The following HOXB3 variants were observed in gnomAD, a reference collection of about 807,000 sequenced individuals.
The protein encoded by HOXB3 is homeobox protein Hox-B3.
HOXB3 carries 17 observed loss-of-function variants against 29.2 expected under a neutral mutation model. The observed-to-expected ratio is 0.58, with a 90% CI of 0.40 to 0.87. The LOEUF (loss-of-function observed/expected upper bound fraction) is 0.87, where lower values mean the gene tolerates loss of function less well. Among genes scored for constraint, HOXB3 ranks in the 40% least tolerant of loss-of-function variants. HOXB3 has a pLI of 0.00. For missense variants in HOXB3, 637 were observed against 616.3 expected (o/e 1.03, Z -0.35); for synonymous variants, 317 against 285.9 (o/e 1.11, Z -1.10).
At chr17:48,576,664 C>T (rs1193361209) in intron 1 of HOXB3, 11 of 466,010 alleles carry the variant, frequency 2.4e-5, no homozygotes, top group Non-Finnish European at 4.2e-5. Flanking sequence ...CCCACCCCAT[C>T]CCCTGCACTC....
At chr17:48,555,411 G>A in intron 3 of HOXB3, 120 bp downstream of exon 3, 1 of 686,204 alleles carries the variant, frequency 1.5e-6, no homozygotes. Context: ...TCGCTGCGTG[G>A]AAGGAAGCTT....
In HOXB3 at chr17:48,550,356, G is replaced by C. The variant is rs547200357; in HGVS notation, c.1274C>G (p.Ala425Gly). Residue 425 changes from alanine (A) to glycine (G), a missense_variant, in exon 5 of 5, where the codon GCG (alanine) becomes GGG (glycine). By Grantham distance (60) the Ala-to-Gly change is moderately conservative. Transcript: ENST00000498678. Reference protein sequence around the residue: ...APPPQGRIQEAPKLTHL With the variant: ...APPPQGRIQEGPKLTHL ...CCATCACAGGTGTGTTAATTTGGGC[G>C]CTTCTTGGATTCTACCCTGAGGAGG... The C allele has an allele frequency of 1.2e-6, 2 of 1,614,066 alleles. No homozygotes were observed. The highest frequency in any genetic ancestry group is 2.2e-5 in the South Asian group (2 of 91,086).
rs1387149658 is a variant in HOXB3, at chr17:48,550,152, G to A, written c.*182C>T. The stretch of plus-strand genomic sequence containing the variant: ...GGTTGGCAGGCAGATGGAACAAGGG[G>A]TGGAAGACTTAAAAGCAACCTCTCA... On this transcript the variant is annotated 3_prime_UTR_variant, in exon 5 of 5. Transcript: ENST00000498678. The A allele has an allele frequency of 2.9e-5, 20 of 698,278 alleles. No homozygotes were observed. Among genetic ancestry groups the A allele is most frequent in the African/African-American group, 5.4e-5 (3 of 55,492 alleles). 43.3% of individuals were successfully genotyped at this position (698,278 alleles called of 1,614,324 possible). A position where few individuals can be genotyped will look rare whatever the true frequency, so the allele number is the denominator to read the frequency against.
At chr17:48,565,856 C>T (rs1333045975) in intron 2 of HOXB3, among the ~76,000 whole-genome samples, 1 of 152,202 alleles carries the variant, frequency 6.6e-6, no homozygotes, top group African/African-American at 2.4e-5. Flanking sequence ...TCCACTCTCC[C>T]TGTCATCACC....
At chr17:48,551,670 G>C (rs1005285907) in intron 4 of HOXB3, among the ~76,000 whole-genome samples, 3 of 152,244 alleles carry the variant, frequency 2.0e-5, no homozygotes, top group Non-Finnish European at 4.4e-5. Flanking sequence ...ACCCCGGGCC[G>C]TCCAAGCGAT....
chr17:48,550,647 T>G lies in HOXB3; in HGVS notation c.983A>C (p.Glu328Ala), dbSNP rs749825968. 6 of 1,524,920 alleles carry G rather than the reference T, an allele frequency of 3.9e-6. No homozygotes were observed. Among genetic ancestry groups the G allele is most frequent in the Non-Finnish European group, 5.3e-6 (6 of 1,139,376 alleles). 94.5% of individuals were successfully genotyped at this position (1,524,920 alleles called of 1,614,324 possible). Residue 328 changes from glutamate (E) to alanine (A), a missense_variant, in exon 5 of 5, where the codon GAG becomes GCG. Coordinates refer to ENST00000498678, the MANE Select transcript of HOXB3 (RefSeq NM_001384749.1). ...GGCTTGGAGGACGTGCGGCTCATAC[T>G]CGGGCGCCGGGGTCGGAGGGTACTT... ...PQKYPPTPAP[E>A]YEPHVLQANG...
In HOXB3 at chr17:48,548,870, T is replaced by A. The variant is rs2068612331; in HGVS notation, c.*1464A>T. 6.6e-6 allele frequency: 1 copy of A among 152,194 alleles called. No individual in the cohort carries two copies. The highest frequency in any genetic ancestry group is 1.5e-5 in the Non-Finnish European group (1 of 68,024). The allele number at this position is 152,194 out of a possible 1,614,324, so 9.4% of individuals were successfully genotyped here. On this transcript the variant is annotated 3_prime_UTR_variant, in exon 5 of 5. Coordinates refer to ENST00000498678, the MANE Select transcript of HOXB3 (RefSeq NM_001384749.1). ...TCTAAATTGGACCACCAGGACAAGA[T>A]AAAATTGATAACAGAAAGTTTATTC...
In HOXB3 at chr17:48,550,746, C is replaced by G. The variant is rs779388840; in HGVS notation, c.884G>C (p.Gly295Ala). 5.0e-6 allele frequency: 8 copies of G among 1,587,270 alleles called. No homozygotes were observed. The highest frequency in any genetic ancestry group is 1.7e-5 in the Admixed American group (1 of 57,964). ...CGCGTAGGCATTCTGGTGGGCTTTACCGAAGGCGGGTGGGGACGGGCTCTC... is the reference window on the plus strand; with the variant it reads ...CGCGTAGGCATTCTGGTGGGCTTTAGCGAAGGCGGGTGGGGACGGGCTCTC... ...SYESPSPPAF[G>A]KAHQNAYALP... The change falls in exon 5 of 5, where the codon GGT becomes GCT. Residue 295 changes from glycine (G) to alanine (A), a missense_variant. Coordinates refer to ENST00000498678, the MANE Select transcript of HOXB3 (RefSeq NM_001384749.1).
At chr17:48,560,905 T>C (rs1008457570) in intron 2 of HOXB3, among the ~76,000 whole-genome samples, 1 of 152,092 alleles carries the variant, frequency 6.6e-6, no homozygotes, top group Non-Finnish European at 1.5e-5. Flanking sequence ...GTCCCTGGGC[T>C]GGGGTAGGGG....
At chr17:48,578,368 C>T in intron 1 of HOXB3, 8 of 1,574,436 alleles carry the variant, frequency 5.1e-6, no homozygotes, top group Non-Finnish European at 6.9e-6. Context: ...ATTCCGACCC[C>T]TGACTCGTTT....
rs147476652 is a variant in HOXB3, at chr17:48,568,682, G to A, written c.-247+5155C>T. ...ACACACACACAATGGCTGGCATGCC[G>A]GCTGAGAAGCTGACACCCATATTGC... On this transcript the variant is annotated intron_variant, in intron 2 of 4. Coordinates refer to ENST00000498678, the MANE Select transcript of HOXB3 (RefSeq NM_001384749.1). Among the ~76,000 whole-genome samples the A allele has an allele frequency of 5.0e-3, 764 of 152,084 alleles. 4 individuals are homozygous for A. Among genetic ancestry groups the A allele is most frequent in the African/African-American group, 0.017 (718 of 41,452 alleles).
chr17:48,558,122 T>C (rs538620310), intron 2 of HOXB3, among the ~76,000 whole-genome samples: 1 of 152,254 alleles, frequency 6.6e-6, no homozygotes, highest in African/African-American at 2.4e-5. Flanking sequence ...GAGAAGGTCA[T>C]TGTAAAACTG....
chr17:48,552,272 T>C lies in HOXB3; in HGVS notation c.203A>G (p.Glu68Gly), dbSNP rs760674632. 6.2e-7 allele frequency: 1 copy of C among 1,613,792 alleles called. No individual in the cohort carries two copies. The highest frequency in any genetic ancestry group is 8.5e-7 in the Non-Finnish European group (1 of 1,179,918). Residue 68 changes from glutamate to glycine, a missense_variant, in exon 4 of 5, where the codon GAG (glutamate) becomes GGG (glycine). Glu to Gly is a moderately conservative substitution (Grantham distance 98). Coordinates refer to ENST00000498678, the MANE Select transcript of HOXB3 (RefSeq NM_001384749.1). ...CGGCCTCATGCAGCTGCCGTTGAGC[T>C]CCTTGCTCTTGGCATGTGGGGCAGC... ...GNAAPHAKSK[E>G]LNGSCMRPGL...
chr17:48,585,103 C>T (rs1030169306), intron 1 of HOXB3, among the ~76,000 whole-genome samples: 1 of 152,168 alleles, frequency 6.6e-6, no homozygotes, highest in Non-Finnish European at 1.5e-5. Flanking sequence ...CCCCTCCCCC[C>T]TTCGCCAATG....
intron 2 of HOXB3, among the ~76,000 whole-genome samples, chr17:48,558,077 C>A (rs1199398376): frequency 6.6e-6 from 1 of 152,106 alleles, no homozygotes; most frequent in Non-Finnish European, 1.5e-5. Flanking sequence ...TACCTCAAAA[C>A]CTCTGCTGTC....
intron 1 of HOXB3, among the ~76,000 whole-genome samples, chr17:48,583,812 T>C (rs950054398): frequency 6.6e-6 from 1 of 152,220 alleles, no homozygotes; most frequent in Admixed American, 6.5e-5. Flanking sequence ...GCAGAGAAAC[T>C]CACCTAAGGA....
At chr17:48,589,276 G>A (rs184650425) in intron 1 of HOXB3, among the ~76,000 whole-genome samples, 56 of 152,140 alleles carry the variant, frequency 3.7e-4, no homozygotes, top group African/African-American at 1.3e-3. Flanking sequence ...GACAGTTGAG[G>A]GATTTGTATT....
intron 1 of HOXB3, chr17:48,579,996 G>T (rs1037496197): frequency 1.8e-5 from 9 of 487,952 alleles, no homozygotes; most frequent in Non-Finnish European, 8.4e-6. Flanking sequence ...CGCCTTCTTC[G>T]TTTGGGGTGT....
intron 2 of HOXB3, among the ~76,000 whole-genome samples, chr17:48,568,648 CGCGG>C: frequency 6.6e-6 from 1 of 151,268 alleles, no homozygotes; most frequent in Non-Finnish European, 1.5e-5. Context: ...CACACACACG[CGCGG>C]ACACACACAC....
Sources: allele counts gnomAD v4.1 joint callset (sites outside exome capture counted in the v4.1 genomes callset), GRCh38; gene constraint gnomAD v4.1.1; transcripts MANE v1.5; gene names NCBI Gene and HGNC (gene_info 2026-07-23, HGNC 2026-07-21).